The following DDB2 variants were observed in gnomAD, a reference collection of about 807,000 sequenced individuals.
The protein encoded by DDB2 is damage specific DNA binding protein 2.
A neutral mutation model predicts 50.5 loss-of-function variants in DDB2; 27 were observed. The ratio of observed to expected loss-of-function variants is 0.53; its 90% CI spans 0.39 to 0.74. DDB2 has a LOEUF of 0.74. Among genes scored for constraint, DDB2 ranks in the 30% least tolerant of loss-of-function variants. The pLI is 0.00. For missense variants in DDB2, 424 were observed against 545.6 expected (o/e 0.78, Z 2.22); for synonymous variants, 176 against 205.5 (o/e 0.86, Z 1.23).
At chr11:47,223,167 A>G (rs931490677) in intron 3 of DDB2, among the ~76,000 whole-genome samples, 1 of 152,210 alleles carries the variant, frequency 6.6e-6, no homozygotes, top group Admixed American at 6.5e-5. Flanking sequence ...ATTTGTTCAC[A>G]GTTTTCTCCT....
At chr11:47,226,273 A>C (rs146959188) in intron 3 of DDB2, among the ~76,000 whole-genome samples, 1,292 of 125,462 alleles carry the variant, frequency 0.01, 17 homozygotes, top group African/African-American at 0.033. Context: ...ACCAACATTT[A>C]TTTTCTTTTT....
intron 3 of DDB2, among the ~76,000 whole-genome samples, chr11:47,229,287 T>A (rs530410881): frequency 6.6e-6 from 1 of 152,028 alleles, no homozygotes; most frequent in East Asian, 1.9e-4. Flanking sequence ...AATAGTGAAG[T>A]CTGAAGCGGG....
At chr11:47,217,089 T>C in intron 3 of DDB2, 40 bp downstream of exon 3, 2 of 1,586,308 alleles carry the variant, frequency 1.3e-6, no homozygotes, top group Non-Finnish European at 1.7e-6. Context: ...AAAGAAGTGT[T>C]TGTTGGCTGG....
chr11:47,239,048 C>T lies in DDB2; in HGVS notation c.*199C>T, dbSNP rs879197342. ...TCTGGACTTGCCTCCAGAGACTGCT[C>T]CAGAGTTGGTGACACAGCTGTCCCA... is the stretch of plus-strand genomic sequence containing the variant. On this transcript the variant is annotated 3_prime_UTR_variant, in exon 10 of 10. Transcript: ENST00000256996. 11 of 581,472 alleles carry T rather than the reference C, an allele frequency of 1.9e-5. No individual in the cohort carries two copies. The highest frequency in any genetic ancestry group is 9.7e-5 in the South Asian group (5 of 51,360). 36.0% of individuals were successfully genotyped at this position (581,472 alleles called of 1,614,324 possible).
At chr11:47,227,257 C>T (rs745827778) in intron 3 of DDB2, among the ~76,000 whole-genome samples, 1 of 150,848 alleles carries the variant, frequency 6.6e-6, no homozygotes, top group African/African-American at 2.4e-5. Flanking sequence ...CAGGCATGCG[C>T]CACCATGCCC....
At chr11:47,229,885 C>T in intron 3 of DDB2, 2 of 385,474 alleles carry the variant, frequency 5.2e-6, no homozygotes, top group Non-Finnish European at 9.8e-6. Flanking sequence ...GGCTGGAATG[C>T]AGTGGCAGGA....
In DDB2 at chr11:47,225,254, TAA is replaced by T. The variant is rs10708891; in HGVS notation, c.457-7544_457-7543del. Among the ~76,000 whole-genome samples the T allele has an allele frequency of 5.5e-3, 753 of 136,356 alleles. 4 individuals are homozygous for T. The highest frequency in any genetic ancestry group is 8.6e-3 in the Non-Finnish European group (550 of 64,032). The allele number at this position is 136,356 out of a possible 152,430, so 89.5% of individuals were successfully genotyped here. On this transcript the variant is annotated intron_variant, in intron 3 of 9. Coordinates refer to ENST00000256996, the MANE Select transcript of DDB2 (RefSeq NM_000107.3). ...TGCTCCTGGCCCGATCCTGTGTCTT[TAA>T]AAAAAAAAAAAAAAACTCTAACAAG...
intron 4 of DDB2, among the ~76,000 whole-genome samples, chr11:47,233,939 G>T (rs1953686889): frequency 2.0e-5 from 3 of 152,182 alleles, no homozygotes. Context: ...CCTGCTTGAA[G>T]ATATTCATAG....
At chr11:47,232,773 G>A (rs1184023749) in intron 3 of DDB2, 41 bp from the exon 4 acceptor site, 1 of 1,612,028 alleles carries the variant, frequency 6.2e-7, no homozygotes, top group East Asian at 2.2e-5. Context: ...CTCACGGCCA[G>A]GCCCATCATC....
chr11:47,219,852 A>G (rs560713538), intron 3 of DDB2, among the ~76,000 whole-genome samples: 1 of 152,240 alleles, frequency 6.6e-6, no homozygotes, highest in African/African-American at 2.4e-5. Flanking sequence ...CAGTGGCGCA[A>G]TCTCGGCTCA....
At chr11:47,222,800 TAGC>T (rs1953505709) in intron 3 of DDB2, among the ~76,000 whole-genome samples, 1 of 152,266 alleles carries the variant, frequency 6.6e-6, no homozygotes, top group Admixed American at 6.5e-5. Flanking sequence ...GGTAAATACT[TAGC>T]AGTGGAATGG....
At chr11:47,223,159 T>C (rs919707644) in intron 3 of DDB2, among the ~76,000 whole-genome samples, 16 of 152,266 alleles carry the variant, frequency 1.1e-4, no homozygotes, top group African/African-American at 3.9e-4. Flanking sequence ...TACAATATAT[T>C]TGTTCACAGT....
In DDB2 at chr11:47,227,099, C is replaced by CTTTTTTTTT. The variant is rs34243882; in HGVS notation, c.457-5699_457-5691dup. ...TTCTTTATATATTCTGGATATTAAC[C>CTTTTTTTTT]TTTTTTTTTTTTTTTTTTTTTTTTG... On this transcript the variant is annotated intron_variant, in intron 3 of 9. Coordinates refer to ENST00000256996, the MANE Select transcript of DDB2 (RefSeq NM_000107.3). Among the ~76,000 whole-genome samples the CTTTTTTTTT allele has an allele frequency of 1.9e-3, 60 of 32,146 alleles. 9 individuals carry two copies. Among genetic ancestry groups the CTTTTTTTTT allele is most frequent in the Admixed American group, 2.3e-3 (4 of 1,728 alleles). 21.1% of individuals were successfully genotyped at this position (32,146 alleles called of 152,430 possible).
rs367717420 is a variant in DDB2, at chr11:47,215,116, C to T, written c.-21C>T. ...CATGATCTTCGCATAGAGCACAGTA[C>T]CCCTTCACACGGAGGACGCGATGGC... On this transcript the variant is annotated 5_prime_UTR_variant, in exon 1 of 10. Transcript: ENST00000256996. The T allele has an allele frequency of 6.2e-7, 1 of 1,613,870 alleles. No individual in the cohort carries two copies. The highest frequency in any genetic ancestry group is 8.5e-7 in the Non-Finnish European group (1 of 1,179,974).
chr11:47,236,407 AGCTCT>A (rs1188703147), intron 7 of DDB2, among the ~76,000 whole-genome samples: 15 of 152,292 alleles, frequency 9.8e-5, no homozygotes, highest in African/African-American at 3.6e-4. Context: ...ATGCAGACTG[AGCTCT>A]GCTAGTTCTG....
At chr11:47,238,115 T>G (rs775425167) in intron 8 of DDB2, 23 bp from the exon 9 acceptor site, 1 of 1,612,862 alleles carries the variant, frequency 6.2e-7, no homozygotes, top group East Asian at 2.2e-5. Context: ...CCTCTCCTCA[T>G]GTTGACACTC....
At chr11:47,224,288 C>A (rs1953527594) in intron 3 of DDB2, among the ~76,000 whole-genome samples, 1 of 152,048 alleles carries the variant, frequency 6.6e-6, no homozygotes, top group African/African-American at 2.4e-5. Context: ...TGTGCAGTGC[C>A]ACAATCTCGG....
chr11:47,218,489 G>A (rs1953432801), intron 3 of DDB2, among the ~76,000 whole-genome samples: 1 of 152,230 alleles, frequency 6.6e-6, no homozygotes, highest in Non-Finnish European at 1.5e-5. Flanking sequence ...GAGCGAGGAG[G>A]AGCAGTATTA....
chr11:47,235,445 A>C (rs758816557), intron 7 of DDB2, 33 bp downstream of exon 7: 2 of 1,602,384 alleles, frequency 1.2e-6, no homozygotes, highest in East Asian at 2.2e-5. Context: ...TCGCAGAAGG[A>C]GGCTGTGATC....
Sources: allele counts gnomAD v4.1 joint callset (sites outside exome capture counted in the v4.1 genomes callset), GRCh38; gene constraint gnomAD v4.1.1; transcripts MANE v1.5; gene names NCBI Gene and HGNC (gene_info 2026-07-23, HGNC 2026-07-21).